Variants in HCN1 observed in about 807,000 individuals in gnomAD.
HCN1 encodes the protein potassium/sodium hyperpolarization-activated cyclic nucleotide-gated channel 1.
Under a neutral mutation model 78.9 loss-of-function variants are expected in HCN1, and 13 were observed. The observed-to-expected ratio is 0.16, with a 90% confidence interval of 0.11 to 0.26. The LOEUF (loss-of-function observed/expected upper bound fraction) is 0.26. HCN1 is among the 10% of genes least tolerant of loss of function. HCN1 has a pLI of 1.00. For missense variants in HCN1, 810 were observed against 1,154.3 expected (o/e 0.70, Z 4.32); for synonymous variants, 552 against 455.5 (o/e 1.21, Z -2.70).
At chr5:45,490,572 T>G (rs888444495) in intron 2 of HCN1, among the ~76,000 whole-genome samples, 5 of 152,082 alleles carry the variant, frequency 3.3e-5, no homozygotes, top group African/African-American at 7.2e-5. Context: ...CCATTAACTC[T>G]CCTCCAGTTC....
Position 45,260,505 on chromosome 5 carries a change from T to C in HCN1, c.*1416A>G, listed in dbSNP as rs1012141560. 10 of 152,330 alleles carry C rather than the reference T, an allele frequency of 6.6e-5. No individual in the cohort carries two copies. The highest frequency in any genetic ancestry group is 6.5e-4 in the Admixed American group (10 of 15,290). The allele number at this position is 152,330 out of a possible 1,614,324, so 9.4% of individuals were successfully genotyped here. A position where few individuals can be genotyped will look rare whatever the true frequency, so the allele number is the denominator to read the frequency against. On this transcript the variant is annotated 3_prime_UTR_variant, in exon 8 of 8. Coordinates refer to ENST00000303230, the MANE Select transcript of HCN1 (RefSeq NM_021072.4). ...TTCAACACATTAAAAATGACAAACCTCCTATCTAAGGGCTACGTTAGTCAC... is the reference window on the plus strand; with the variant it reads ...TTCAACACATTAAAAATGACAAACCCCCTATCTAAGGGCTACGTTAGTCAC...
chr5:45,653,923 TAATAAATA>T (rs541802096), intron 1 of HCN1, among the ~76,000 whole-genome samples: 2 of 151,910 alleles, frequency 1.3e-5, no homozygotes, highest in African/African-American at 4.8e-5. Context: ...AGTATAATAA[TAATAAATA>T]AATAAATAAA....
chr5:45,584,661 C>A (rs1744166895), intron 2 of HCN1, among the ~76,000 whole-genome samples: 1 of 152,162 alleles, frequency 6.6e-6, no homozygotes, highest in Non-Finnish European at 1.5e-5. Flanking sequence ...TTTGCAGTGG[C>A]TGATACTGGT....
chr5:45,337,673 A>G (rs888108450), intron 5 of HCN1, among the ~76,000 whole-genome samples: 4 of 152,168 alleles, frequency 2.6e-5, no homozygotes, highest in African/African-American at 9.6e-5. Context: ...ATAGCAGAAC[A>G]GGGAATGAAC....
intron 2 of HCN1, among the ~76,000 whole-genome samples, chr5:45,517,623 G>A (rs973692001): frequency 7.3e-5 from 11 of 150,870 alleles, no homozygotes; most frequent in African/African-American, 2.4e-4. Flanking sequence ...AGAAATGTCC[G>A]TGTGATGTCA....
intron 4 of HCN1, among the ~76,000 whole-genome samples, chr5:45,382,318 G>A (rs1010937392): frequency 4.6e-5 from 7 of 152,092 alleles, no homozygotes; most frequent in African/African-American, 1.7e-4. Context: ...TGTGTACACT[G>A]TAAGCTGCAT....
At chr5:45,507,989 T>A (rs1426563341) in intron 2 of HCN1, among the ~76,000 whole-genome samples, 1 of 152,120 alleles carries the variant, frequency 6.6e-6, no homozygotes, top group Non-Finnish European at 1.5e-5. Flanking sequence ...AAAACTTATT[T>A]TAATTCTATA....
intron 3 of HCN1, among the ~76,000 whole-genome samples, chr5:45,401,607 T>G (rs1579870189): frequency 6.6e-6 from 1 of 151,852 alleles, no homozygotes; most frequent in East Asian, 1.9e-4. Flanking sequence ...TTTTTCAGAT[T>G]ATTTTATTTT....
chr5:45,396,386 CTT>C (rs35841808), intron 4 of HCN1, 104 bp downstream of exon 4: 299 of 756,276 alleles, frequency 4.0e-4, no homozygotes, highest in Non-Finnish European at 5.0e-4. Flanking sequence ...CATTTTATCT[CTT>C]TTTTTTTTTT....
At chr5:45,509,615 C>T (rs1293557097) in intron 2 of HCN1, among the ~76,000 whole-genome samples, 1 of 151,994 alleles carries the variant, frequency 6.6e-6, no homozygotes, top group African/African-American at 2.4e-5. Context: ...AAATTCAATC[C>T]AATTATGTCA....
chr5:45,401,158 T>G (rs1739795951), intron 3 of HCN1, among the ~76,000 whole-genome samples: 1 of 152,198 alleles, frequency 6.6e-6, no homozygotes, highest in Admixed American at 6.6e-5. Flanking sequence ...CAGTTTGATT[T>G]TAAAATATAT....
At chr5:45,471,331 T>C (rs1464447441) in intron 2 of HCN1, among the ~76,000 whole-genome samples, 1 of 151,814 alleles carries the variant, frequency 6.6e-6, no homozygotes, top group Non-Finnish European at 1.5e-5. Flanking sequence ...TCAACTACAT[T>C]CTCCATTATA....
chr5:45,422,378 T>C (rs189083897), intron 3 of HCN1, among the ~76,000 whole-genome samples: 2 of 152,316 alleles, frequency 1.3e-5, no homozygotes, highest in African/African-American at 2.4e-5. Context: ...TCTTTTGTTG[T>C]AGAGGTGTCA....
chr5:45,600,835 G>A (rs77465298), intron 2 of HCN1, among the ~76,000 whole-genome samples: 327 of 152,238 alleles, frequency 2.1e-3, no homozygotes, highest in African/African-American at 7.4e-3. Context: ...GAGAAGTTAG[G>A]AAGCACTTCC....
At chr5:45,283,486 T>C (rs746637842) in intron 6 of HCN1, among the ~76,000 whole-genome samples, 3 of 152,040 alleles carry the variant, frequency 2.0e-5, no homozygotes, top group African/African-American at 4.8e-5. Context: ...GCAAAGGACA[T>C]GAACAGACAC....
intron 1 of HCN1, among the ~76,000 whole-genome samples, chr5:45,678,354 A>C (rs1050501959): frequency 2.6e-5 from 4 of 151,880 alleles, no homozygotes; most frequent in African/African-American, 9.7e-5. Context: ...TCTTTAGCAG[A>C]CTCAAAGTCT....
At chr5:45,270,248 A>G (rs1486490630) in intron 6 of HCN1, among the ~76,000 whole-genome samples, 1 of 152,218 alleles carries the variant, frequency 6.6e-6, no homozygotes, top group East Asian at 1.9e-4. Flanking sequence ...TTGTGAAGGC[A>G]AAAGTTGTAC....
In HCN1 at chr5:45,261,726, CCT is replaced by C; in HGVS notation, c.*193_*194del. The C allele has an allele frequency of 1.9e-6, 1 of 535,016 alleles. No individual in the cohort carries two copies. Among genetic ancestry groups the C allele is most frequent in the Non-Finnish European group, 3.2e-6 (1 of 314,778 alleles). 33.1% of individuals were successfully genotyped at this position (535,016 alleles called of 1,614,324 possible). A position where few individuals can be genotyped will look rare whatever the true frequency, so the allele number is the denominator to read the frequency against. On this transcript the variant is annotated 3_prime_UTR_variant, in exon 8 of 8. Transcript: ENST00000303230. Reference sequence around the variant, plus strand: ...CTGAATGCTAAACAGGTCTTTTGACCCTCTCTTGGGAATTTAGATATATATTT... The same window carrying C: ...CTGAATGCTAAACAGGTCTTTTGACCCTCTTGGGAATTTAGATATATATTT...
intron 2 of HCN1, among the ~76,000 whole-genome samples, chr5:45,556,781 C>T (rs1433270576): frequency 6.6e-6 from 1 of 151,936 alleles, no homozygotes; most frequent in Admixed American, 6.6e-5. Context: ...TATGTTTCTT[C>T]TCCCATCAAT....
Sources: gnomAD v4.1 joint callset for allele counts (sites outside exome capture counted in the v4.1 genomes callset) on GRCh38, gnomAD v4.1.1 for gene constraint, MANE v1.5 for transcripts, NCBI Gene and HGNC (gene_info 2026-07-23, HGNC 2026-07-21) for gene names.